UVRAG: variants seen among roughly 807,000 people sequenced by gnomAD.
The protein encoded by UVRAG is UV radiation resistance-associated gene protein.
A neutral mutation model predicts 78.0 loss-of-function variants in UVRAG; 19 were observed. The observed-to-expected ratio is 0.24, with a 90% CI of 0.17 to 0.36. The LOEUF (loss-of-function observed/expected upper bound fraction) is 0.36, where lower values mean the gene tolerates loss of function less well. UVRAG is among the 10% of genes least tolerant of loss of function. The pLI, the probability that UVRAG is intolerant of heterozygous loss-of-function variation, is 1.00. For synonymous variants in UVRAG, 323 were observed against 324.6 expected (o/e 1.00, Z 0.05); for missense variants, 740 against 853.8 (o/e 0.87, Z 1.66).
intron 6 of UVRAG, among the ~76,000 whole-genome samples, chr11:75,934,455 A>G (rs1214361802): frequency 6.6e-6 from 1 of 152,152 alleles, no homozygotes. Context: ...AAACAAGATG[A>G]CTATAGTAAA....
At chr11:76,009,638 T>G (rs1052450780) in intron 11 of UVRAG, among the ~76,000 whole-genome samples, 1 of 152,210 alleles carries the variant, frequency 6.6e-6, no homozygotes, top group Non-Finnish European at 1.5e-5. Flanking sequence ...GACTTTCATT[T>G]TCTTATAAAG....
chr11:75,836,361 C>T (rs1458269050), intron 1 of UVRAG, among the ~76,000 whole-genome samples: 1 of 152,126 alleles, frequency 6.6e-6, no homozygotes, highest in African/African-American at 2.4e-5. Context: ...AACTGAGGCC[C>T]TAAGTAAAGG....
chr11:75,958,392 G>T (rs1397402680), intron 6 of UVRAG, among the ~76,000 whole-genome samples: 1 of 152,020 alleles, frequency 6.6e-6, no homozygotes, highest in Non-Finnish European at 1.5e-5. Flanking sequence ...ATTTTTTGTT[G>T]TCATTTCAAC....
At chr11:75,941,554 A>G (rs1422477226) in intron 6 of UVRAG, among the ~76,000 whole-genome samples, 1 of 152,096 alleles carries the variant, frequency 6.6e-6, no homozygotes, top group Non-Finnish European at 1.5e-5. Context: ...TTTCCTTTGA[A>G]GGAAATGTTG....
chr11:76,110,302 A>G (rs1316893763), intron 13 of UVRAG, among the ~76,000 whole-genome samples: 1 of 151,600 alleles, frequency 6.6e-6, no homozygotes, highest in African/African-American at 2.4e-5. Flanking sequence ...TGGATAGTCT[A>G]TATACTTTAT....
chr11:76,013,826 C>T (rs1950096808), intron 11 of UVRAG, among the ~76,000 whole-genome samples: 1 of 152,126 alleles, frequency 6.6e-6, no homozygotes, highest in African/African-American at 2.4e-5. Context: ...CCCTGTAATG[C>T]TTCACCCATG....
rs553867684 is a variant in UVRAG, at chr11:75,851,511, G to A, written c.118-372G>A. Reference sequence around the variant, plus strand: ...TTAACTGGTGATTATCTGTTGGTATGAGATGGATTTTATATGTCTATCAGA... The same window carrying A: ...TTAACTGGTGATTATCTGTTGGTATAAGATGGATTTTATATGTCTATCAGA... On this transcript the variant is annotated intron_variant, in intron 1 of 14. Transcript: ENST00000356136. 1.1e-3 allele frequency among the ~76,000 whole-genome samples: 168 copies of A among 152,324 alleles called. 1 individual carries two copies. The highest frequency in any genetic ancestry group is 3.8e-3 in the African/African-American group (157 of 41,580).
intron 7 of UVRAG, among the ~76,000 whole-genome samples, chr11:75,979,204 G>A (rs544783843): frequency 1.1e-4 from 16 of 152,276 alleles, no homozygotes; most frequent in South Asian, 2.1e-4. Flanking sequence ...ATTGCAGAAC[G>A]GCAAATGTTG....
At chr11:76,046,337 C>A (rs572004929) in intron 12 of UVRAG, among the ~76,000 whole-genome samples, 1 of 152,018 alleles carries the variant, frequency 6.6e-6, no homozygotes, top group East Asian at 1.9e-4. Context: ...GATCAGCCCC[C>A]GCACTGGCCA....
At chr11:75,818,698 G>C (rs1945319806) in intron 1 of UVRAG, among the ~76,000 whole-genome samples, 1 of 151,988 alleles carries the variant, frequency 6.6e-6, no homozygotes, top group South Asian at 2.1e-4. Context: ...AGGCTGGTCT[G>C]GAACCCCTGT....
chr11:76,016,599 AATT>A (rs1950149423), intron 11 of UVRAG, among the ~76,000 whole-genome samples: 1 of 152,176 alleles, frequency 6.6e-6, no homozygotes, highest in African/African-American at 2.4e-5. Flanking sequence ...TCATCACATT[AATT>A]ATTGGGAAAT....
intron 13 of UVRAG, among the ~76,000 whole-genome samples, chr11:76,109,398 T>C (rs1223608683): frequency 3.3e-5 from 5 of 152,228 alleles, no homozygotes; most frequent in African/African-American, 1.2e-4. Flanking sequence ...AGCTTAGCAC[T>C]CTTAGCCCTC....
intron 6 of UVRAG, among the ~76,000 whole-genome samples, chr11:75,925,871 G>A (rs1308369986): frequency 6.6e-6 from 1 of 152,168 alleles, no homozygotes; most frequent in Non-Finnish European, 1.5e-5. Flanking sequence ...GCTTGCAAAA[G>A]TTGAGTAGTG....
intron 12 of UVRAG, among the ~76,000 whole-genome samples, chr11:76,045,906 G>C (rs930503252): frequency 6.6e-6 from 1 of 152,008 alleles, no homozygotes; most frequent in Non-Finnish European, 1.5e-5. Context: ...GGAAAGAGTC[G>C]AGCCCAGTGA....
intron 13 of UVRAG, among the ~76,000 whole-genome samples, chr11:76,111,148 T>G (rs1952060807): frequency 1.3e-5 from 2 of 152,108 alleles, no homozygotes; most frequent in Admixed American, 6.5e-5. Context: ...ATGCTACTAA[T>G]AAGGTTAAAT....
At chr11:75,990,904 A>G (rs1412297084) in intron 8 of UVRAG, among the ~76,000 whole-genome samples, 5 of 152,206 alleles carry the variant, frequency 3.3e-5, no homozygotes, top group African/African-American at 9.6e-5. Context: ...CATAGAATAA[A>G]TATTTGTTGA....
chr11:75,874,269 G>GAA (rs371221850), intron 3 of UVRAG, among the ~76,000 whole-genome samples: 3 of 146,958 alleles, frequency 2.0e-5, no homozygotes, highest in African/African-American at 5.0e-5. Flanking sequence ...GGTAGAAAGA[G>GAA]AAAAAAAAAA....
intron 3 of UVRAG, among the ~76,000 whole-genome samples, chr11:75,876,352 A>T (rs528170022): frequency 4.5e-4 from 69 of 152,280 alleles, no homozygotes; most frequent in South Asian, 1.5e-3. Flanking sequence ...GCCTAGATCC[A>T]AGTCTATATC....
rs1337791458 is a variant in UVRAG at position 76,140,736 on chromosome 11, A to G, written c.1423A>G (p.Ile475Val). 3 of 1,601,154 alleles carry G rather than the reference A, an allele frequency of 1.9e-6. No homozygotes were observed. Among genetic ancestry groups the G allele is most frequent in the African/African-American group, 2.7e-5 (2 of 74,088 alleles). ...RCDRHHTSSA[I>V]PVPKRQSSIF... Reference sequence around the variant, plus strand: ...TGACAGACATCACACCTCCAGTGCAATCCCTGTTCCTAAGAGACAAAGCTC... The same window carrying G: ...TGACAGACATCACACCTCCAGTGCAGTCCCTGTTCCTAAGAGACAAAGCTC... The change falls in exon 15 of 15, where the codon ATC becomes GTC. Residue 475 changes from isoleucine (I) to valine (V), a missense_variant. Coordinates refer to ENST00000356136, the MANE Select transcript of UVRAG (RefSeq NM_003369.4).
Sources: allele counts gnomAD v4.1 joint callset (sites outside exome capture counted in the v4.1 genomes callset), GRCh38; gene constraint gnomAD v4.1.1; transcripts MANE v1.5; gene names NCBI Gene and HGNC (gene_info 2026-07-23, HGNC 2026-07-21).